The following CPNE8 variants were observed in gnomAD, a reference collection of about 807,000 sequenced individuals.
CPNE8 encodes the protein copine-8.
Under a neutral mutation model 81.5 loss-of-function variants are expected in CPNE8, and 45 were observed. The ratio of observed to expected loss-of-function variants is 0.55; its 90% CI spans 0.44 to 0.71. The LOEUF (loss-of-function observed/expected upper bound fraction) is 0.71. Among genes scored for constraint, CPNE8 ranks in the 30% least tolerant of loss-of-function variants. The pLI, the probability that CPNE8 is intolerant of heterozygous loss-of-function variation, is 0.00. For synonymous variants in CPNE8, 252 were observed against 226.3 expected (o/e 1.11, Z -1.02); for missense variants, 594 against 672.1 (o/e 0.88, Z 1.28).
At chr12:38,869,036 T>G (rs1364313599) in intron 3 of CPNE8, among the ~76,000 whole-genome samples, 2 of 152,176 alleles carry the variant, frequency 1.3e-5, no homozygotes, top group Admixed American at 6.5e-5. Flanking sequence ...CTATAAAATA[T>G]GACAATTTCA....
At chr12:38,906,105 C>G (rs1488730745), upstream of CPNE8, 1 of 986,154 alleles carries the variant, frequency 1.0e-6, no homozygotes, top group Non-Finnish European at 1.2e-6. Flanking sequence ...CCTAACTGCC[C>G]CGTTATAAGG....
intron 19 of CPNE8, among the ~76,000 whole-genome samples, chr12:38,669,603 G>A (rs1448054405): frequency 6.6e-6 from 1 of 152,130 alleles, no homozygotes; most frequent in East Asian, 1.9e-4. Flanking sequence ...TTAAGTTCCA[G>A]CTCCCTTTCT....
At chr12:38,852,428 CAAAAAAAA>C (rs138401295) in intron 3 of CPNE8, among the ~76,000 whole-genome samples, 1 of 75,210 alleles carries the variant, frequency 1.3e-5, no homozygotes, top group Admixed American at 1.6e-4. Flanking sequence ...AGCTCTGTCT[CAAAAAAAA>C]AAAAAAAAAA....
At chr12:38,860,562 C>CAA (rs112847958) in intron 3 of CPNE8, among the ~76,000 whole-genome samples, 1 of 145,088 alleles carries the variant, frequency 6.9e-6, no homozygotes. Context: ...GAGTATATAT[C>CAA]AAAAAAAAAA....
chr12:38,860,385 CAAAAAA>C (rs36025286), intron 3 of CPNE8, among the ~76,000 whole-genome samples: 1 of 111,314 alleles, frequency 9.0e-6, no homozygotes, highest in Non-Finnish European at 1.7e-5. Context: ...TGGCTATTAT[CAAAAAA>C]AAAAAAAAAA....
In CPNE8 at chr12:38,856,764, T is replaced by A. The variant is rs151019003; in HGVS notation, c.187-8102A>T. 2.2e-4 allele frequency among the ~76,000 whole-genome samples: 34 copies of A among 152,268 alleles called. No individual in the cohort carries two copies. The East Asian group carries it at 6.6e-3, about 29-fold the overall frequency. On this transcript the variant is annotated intron_variant, in intron 3 of 19. Coordinates refer to ENST00000331366, the MANE Select transcript of CPNE8 (RefSeq NM_153634.3). ...TACTGCAAGAAACTGATCACCACAT[T>A]TAAAACTTGGGAGAAGACAGCTACT...
chr12:38,774,839 C>T (rs1426809748), intron 7 of CPNE8, among the ~76,000 whole-genome samples: 1 of 152,028 alleles, frequency 6.6e-6, no homozygotes, highest in African/African-American at 2.4e-5. Flanking sequence ...GTGACATGCC[C>T]AGGGGGACAA....
chr12:38,695,589 G>T (rs1360181522), intron 14 of CPNE8, among the ~76,000 whole-genome samples: 1 of 152,128 alleles, frequency 6.6e-6, no homozygotes, highest in African/African-American at 2.4e-5. Flanking sequence ...CTAAAGTAGG[G>T]ACTTTGCCAC....
At chr12:38,670,859 T>C (rs1755919226) in intron 18 of CPNE8, 57 bp from the exon 19 acceptor site, 2 of 1,258,900 alleles carry the variant, frequency 1.6e-6, no homozygotes, top group Non-Finnish European at 2.3e-6. Flanking sequence ...ACTAAAACAA[T>C]GTGGACAACA....
Position 38,693,785 on chromosome 12 carries a change from C to G in CPNE8, c.1015G>C (p.Ala339Pro). The change falls in exon 15 of 20, where the codon GCC becomes CCC. Residue 339 changes from alanine to proline, a missense_variant. Coordinates refer to ENST00000331366, the MANE Select transcript of CPNE8 (RefSeq NM_153634.3). The stretch of plus-strand genomic sequence containing the variant: ...ACTGCTTTTAGTGCCATACCATAGG[C>G]ATTCAGTTGGTAAGGATTCATGTAG... Reference protein sequence around the residue: ...LHYMNPYQLNAYGMALKAVGE... With the variant: ...LHYMNPYQLNPYGMALKAVGE... 1.2e-6 allele frequency: 2 copies of G among 1,612,872 alleles called. No homozygotes were observed. Among genetic ancestry groups the G allele is most frequent in the African/African-American group, 2.7e-5 (2 of 74,984 alleles).
At chr12:38,813,903 A>C (rs1942978621) in intron 6 of CPNE8, among the ~76,000 whole-genome samples, 1 of 152,220 alleles carries the variant, frequency 6.6e-6, no homozygotes, top group Non-Finnish European at 1.5e-5. Flanking sequence ...GATTTCCAAT[A>C]GCCACAGAGA....
At chr12:38,803,341 G>C (rs575305623) in intron 6 of CPNE8, among the ~76,000 whole-genome samples, 16 of 107,898 alleles carry the variant, frequency 1.5e-4, no homozygotes, top group African/African-American at 4.7e-4. Context: ...TGGGATGCAA[G>C]GCTGGTTCAA....
chr12:38,817,905 G>A (rs1158842864), intron 6 of CPNE8, among the ~76,000 whole-genome samples: 1 of 152,132 alleles, frequency 6.6e-6, no homozygotes, highest in East Asian at 1.9e-4. Flanking sequence ...TTACGGGCGT[G>A]AGCCACTGCG....
At chr12:38,707,402 A>T (rs926697882) in intron 13 of CPNE8, among the ~76,000 whole-genome samples, 1 of 152,074 alleles carries the variant, frequency 6.6e-6, no homozygotes, top group African/African-American at 2.4e-5. Context: ...AACCATGTAG[A>T]CTATGTACAA....
chr12:38,863,707 T>A (rs947777382), intron 3 of CPNE8, among the ~76,000 whole-genome samples: 3 of 152,136 alleles, frequency 2.0e-5, no homozygotes, highest in Non-Finnish European at 4.4e-5. Context: ...CATATAATTA[T>A]CTGAATAAAT....
chr12:38,658,957 A>G (rs1231324815), intron 19 of CPNE8, among the ~76,000 whole-genome samples: 1 of 152,236 alleles, frequency 6.6e-6, no homozygotes, highest in Non-Finnish European at 1.5e-5. Context: ...GCCAAAGTGT[A>G]AAGACCATCA....
chr12:38,770,091 C>T (rs998131160), intron 7 of CPNE8, among the ~76,000 whole-genome samples: 1 of 152,130 alleles, frequency 6.6e-6, no homozygotes, highest in Non-Finnish European at 1.5e-5. Flanking sequence ...CTTAATGTCA[C>T]CTAATACATT....
At chr12:38,844,189 T>C (rs1914051) in intron 4 of CPNE8, among the ~76,000 whole-genome samples, 6,772 of 152,264 alleles carry the variant, frequency 0.044, 384 homozygotes, top group African/African-American at 0.13. Flanking sequence ...AATAATTATC[T>C]AGGTAAGTCA....
chr12:38,685,050 A>G (rs987561588), intron 16 of CPNE8, among the ~76,000 whole-genome samples: 1 of 152,182 alleles, frequency 6.6e-6, no homozygotes, highest in Non-Finnish European at 1.5e-5. Context: ...AGAGAGATTA[A>G]AATAATGTGC....
Sources: gnomAD v4.1 joint callset for allele counts (sites outside exome capture counted in the v4.1 genomes callset) on GRCh38, gnomAD v4.1.1 for gene constraint, MANE v1.5 for transcripts, NCBI Gene and HGNC (gene_info 2026-07-23, HGNC 2026-07-21) for gene names.